Variants in MTCH1 observed in about 807,000 individuals in gnomAD.
MTCH1 encodes the protein mitochondrial carrier homolog 1.
MTCH1 carries 23 observed loss-of-function variants against 49.3 expected under a neutral mutation model. That is an observed-to-expected ratio of 0.47 (90% confidence interval 0.34 to 0.66). MTCH1 has a LOEUF of 0.66. Among genes scored for constraint, MTCH1 ranks in the 30% least tolerant of loss-of-function variants. MTCH1 has a pLI of 0.01. For missense variants in MTCH1, 397 were observed against 532.1 expected (o/e 0.75, Z 2.50); for synonymous variants, 229 against 215.2 (o/e 1.06, Z -0.56).
chr6:36,985,850 C>G lies in MTCH1; in HGVS notation c.321+3G>C. 6.4e-7 allele frequency: 1 copy of G among 1,554,604 alleles called. No homozygotes were observed. On this transcript the variant is annotated splice_donor_region_variant and intron_variant, in intron 1 of 11. Coordinates refer to ENST00000373627, the MANE Select transcript of MTCH1 (RefSeq NM_001271641.2). ...TCTCCCTACGGCGCCTCTGGTCCCC[C>G]ACCTGGATGAGCAGCTTCACGTAGA...
chr6:36,968,838 T>A lies in MTCH1; in HGVS notation c.*65A>T, dbSNP rs1485616750. 1 of 1,610,578 alleles carries A rather than the reference T, an allele frequency of 6.2e-7. No individual in the cohort carries two copies. Among genetic ancestry groups the A allele is most frequent in the Non-Finnish European group, 8.5e-7 (1 of 1,177,538 alleles). On this transcript the variant is annotated 3_prime_UTR_variant, in exon 12 of 12. Coordinates refer to ENST00000373627, the MANE Select transcript of MTCH1 (RefSeq NM_001271641.2). ...TTGGGTTGGAGTCGTCTTGCAGGTGTCCCAAGGTGGTCAGGCCTCACCCAC... is the reference window on the plus strand; with the variant it reads ...TTGGGTTGGAGTCGTCTTGCAGGTGACCCAAGGTGGTCAGGCCTCACCCAC...
rs953002016 is a variant in MTCH1 at position 36,977,706 on chromosome 6, G to C, written c.592-15C>G. The stretch of plus-strand genomic sequence containing the variant: ...TCGTAGGAGGTCTGGAAGAGAGCAT[G>C]GGGTGGGGACTCGCCACCCTCGGCC... On this transcript the variant is annotated splice_polypyrimidine_tract_variant and intron_variant, in intron 4 of 11. Transcript: ENST00000373627. This position sits in a 1 kb window ranked among gnomAD's most constrained non-coding sequence, Gnocchi z 5.4. 1 of 1,602,880 alleles carries C rather than the reference G, an allele frequency of 6.2e-7. No homozygotes were observed. Among genetic ancestry groups the C allele is most frequent in the South Asian group, 1.1e-5 (1 of 89,038 alleles).
At chr6:36,984,219 A>G (rs1764210597) in intron 1 of MTCH1, among the ~76,000 whole-genome samples, 1 of 110,908 alleles carries the variant, frequency 9.0e-6, no homozygotes, top group African/African-American at 3.4e-5. Flanking sequence ...CAAAGCACCA[A>G]TTTATCTCCC....
In MTCH1 at chr6:36,977,164, A is replaced by G; in HGVS notation, c.701+35T>C. ...TGCCCTGGCCGACTCTGAAAGGGTA[A>G]CAGGGCCACTCTGCCAGTCCCAAGA... On this transcript the variant is annotated intron_variant, in intron 6 of 11. Coordinates refer to ENST00000373627, the MANE Select transcript of MTCH1 (RefSeq NM_001271641.2). The surrounding 1 kb of genome is among the most constrained non-coding windows in gnomAD (Gnocchi z 5.4). 1 of 1,611,186 alleles carries G rather than the reference A, an allele frequency of 6.2e-7. No individual in the cohort carries two copies. The highest frequency in any genetic ancestry group is 8.5e-7 in the Non-Finnish European group (1 of 1,177,622).
Position 36,982,131 on chromosome 6 carries a change from A to G in MTCH1, c.322-459T>C, listed in dbSNP as rs553618992. Reference sequence around the variant, plus strand: ...CCTCAGACAGGTCAGCCATTAAGTCATCTATTCCAAAGTGCACCCCAAACT... The same window carrying G: ...CCTCAGACAGGTCAGCCATTAAGTCGTCTATTCCAAAGTGCACCCCAAACT... On this transcript the variant is annotated intron_variant, in intron 1 of 11. Transcript: ENST00000373627. The surrounding 1 kb of genome is among the most constrained non-coding windows in gnomAD (Gnocchi z 4.1). 2.0e-4 allele frequency among the ~76,000 whole-genome samples: 30 copies of G among 152,302 alleles called. No homozygotes were observed. Among genetic ancestry groups the G allele is most frequent in the African/African-American group, 7.2e-4 (30 of 41,564 alleles).
In MTCH1 at chr6:36,984,760, AC is replaced by A. The variant is rs200816723; in HGVS notation, c.321+1092del. ...CTTCATCTGTACCGCATTGCTGGCC[AC>A]CACCAAATCTGCCAAGTGCCTATGC... On this transcript the variant is annotated intron_variant, in intron 1 of 11. Coordinates refer to ENST00000373627, the MANE Select transcript of MTCH1 (RefSeq NM_001271641.2). Among the ~76,000 whole-genome samples, 11 of 152,204 alleles carry A rather than the reference AC, an allele frequency of 7.2e-5. No homozygotes were observed. In the East Asian group the frequency reaches 2.1e-3, roughly 29 times the overall value.
rs149010443 is a variant in MTCH1, at chr6:36,971,430, C to T, written c.907-736G>A. Among the ~76,000 whole-genome samples, 175 of 152,260 alleles carry T rather than the reference C, an allele frequency of 1.1e-3. 2 individuals carry two copies. Among genetic ancestry groups the T allele is most frequent in the African/African-American group, 3.2e-3 (132 of 41,542 alleles). ...ACAGCTGCCCACCTAGATGAGAAAC[C>T]ACTTAGCGGTGCACTCCTGGCCACC... is the stretch of plus-strand genomic sequence containing the variant. On this transcript the variant is annotated intron_variant, in intron 8 of 11. Coordinates refer to ENST00000373627, the MANE Select transcript of MTCH1 (RefSeq NM_001271641.2).
At chr6:36,974,073 T>C (rs561825655) in intron 7 of MTCH1, among the ~76,000 whole-genome samples, 4 of 152,334 alleles carry the variant, frequency 2.6e-5, no homozygotes, top group South Asian at 2.1e-4. Context: ...ATGTCACAAA[T>C]GTTGGTTTGT....
rs1270534077 is a variant in MTCH1, at chr6:36,982,481, G to A, written c.322-809C>T. ...GCAACCTCCACCTCCTCCACCTCCC[G>A]GGTTCAAGTGATTCTCCTACCCCAG... is the stretch of plus-strand genomic sequence containing the variant. On this transcript the variant is annotated intron_variant, in intron 1 of 11. Coordinates refer to ENST00000373627, the MANE Select transcript of MTCH1 (RefSeq NM_001271641.2). This position sits in a 1 kb window ranked among gnomAD's most constrained non-coding sequence, Gnocchi z 4.1. Among the ~76,000 whole-genome samples the A allele has an allele frequency of 2.6e-5, 4 of 151,744 alleles. No homozygotes were observed. The highest frequency in any genetic ancestry group is 2.1e-4 in the South Asian group (1 of 4,830).
intron 11 of MTCH1, chr6:36,969,501 G>A: frequency 9.2e-7 from 1 of 1,085,902 alleles, no homozygotes; most frequent in Non-Finnish European, 1.1e-6. Flanking sequence ...AAGAGCTCCA[G>A]CTACGGAGAG....
At chr6:36,979,769 G>A (rs1336789936) in intron 2 of MTCH1, among the ~76,000 whole-genome samples, 1 of 152,054 alleles carries the variant, frequency 6.6e-6, no homozygotes, top group Non-Finnish European at 1.5e-5. Context: ...GTGAGGAGAG[G>A]GAGCCTCAGG....
intron 2 of MTCH1, among the ~76,000 whole-genome samples, chr6:36,981,293 A>G (rs1402630835): frequency 6.6e-6 from 1 of 152,154 alleles, no homozygotes; most frequent in Non-Finnish European, 1.5e-5. Context: ...AGCAGAAATA[A>G]TAGGGACCAG....
chr6:36,977,534 G>T lies in MTCH1; in HGVS notation c.649+100C>A. On this transcript the variant is annotated intron_variant, in intron 5 of 11. Transcript: ENST00000373627. This position sits in a 1 kb window ranked among gnomAD's most constrained non-coding sequence, Gnocchi z 5.4. ...CCAACCCCACTACCACTTCCCAACA[G>T]GTCTACGGCTGTCTATGTACAGTCC... 1.2e-6 allele frequency: 1 copy of T among 819,988 alleles called. No individual in the cohort carries two copies. Among genetic ancestry groups the T allele is most frequent in the Non-Finnish European group, 2.0e-6 (1 of 501,712 alleles). 50.8% of individuals were successfully genotyped at this position (819,988 alleles called of 1,614,324 possible).
In MTCH1 at chr6:36,968,933, C is replaced by T. The variant is rs1157435178; in HGVS notation, c.1140G>A (p.Val380=). 2 of 1,614,126 alleles carry T rather than the reference C, an allele frequency of 1.2e-6. No individual in the cohort carries two copies. The highest frequency in any genetic ancestry group is 8.5e-7 in the Non-Finnish European group (1 of 1,180,010). The change falls in exon 12 of 12, where the codon GTG becomes GTA. Residue 380 remains valine (V), a synonymous_variant. Transcript: ENST00000373627. ...FRGSSLLFRR[V]SSGSCFALE is the part of the protein sequence containing the mutation. ...CCAGGGCAAAGCATGATCCTGATGA[C>T]ACCCGGCGGAAAAGCAGGCTGGAGC...
intron 10 of MTCH1, 143 bp downstream of exon 10, chr6:36,970,263 C>A: frequency 1.4e-6 from 2 of 1,439,846 alleles, no homozygotes; most frequent in South Asian, 2.5e-5. Context: ...GCTGGGAAAT[C>A]CCAGCGGAAG....
rs1272470097 is a variant in MTCH1 at position 36,982,269 on chromosome 6, C to T, written c.322-597G>A. ...TACTCCTCAAACATATCCTTAGCTG[C>T]GTTCTCACCTCAATCACCCTACATC... On this transcript the variant is annotated intron_variant, in intron 1 of 11. Transcript: ENST00000373627. This position sits in a 1 kb window ranked among gnomAD's most constrained non-coding sequence, Gnocchi z 4.1. 3.3e-5 allele frequency among the ~76,000 whole-genome samples: 5 copies of T among 152,196 alleles called. No homozygotes were observed. The highest frequency in any genetic ancestry group is 7.3e-5 in the Non-Finnish European group (5 of 68,034).
At position 36,969,294 on chromosome 6, in the gene MTCH1, C is replaced by T. The variant is rs886773552; in HGVS notation, c.1099-320G>A. The stretch of plus-strand genomic sequence containing the variant: ...TCATAGGGAGGACGAGACACACTCA[C>T]GCTGACCAGGGCCACTGGGAAGAAC... On this transcript the variant is annotated intron_variant, in intron 11 of 11. Coordinates refer to ENST00000373627, the MANE Select transcript of MTCH1 (RefSeq NM_001271641.2). 1.4e-5 allele frequency: 14 copies of T among 985,318 alleles called. 1 individual carries two copies. The African/African-American group carries it at 1.7e-4, about 12-fold the overall frequency. 61.0% of individuals were successfully genotyped at this position (985,318 alleles called of 1,614,324 possible).
chr6:36,983,559 C>T (rs1764183185), intron 1 of MTCH1, among the ~76,000 whole-genome samples: 1 of 152,174 alleles, frequency 6.6e-6, no homozygotes, highest in Non-Finnish European at 1.5e-5. Flanking sequence ...TTCCTCCTGC[C>T]TTCAAGTTTT....
At chr6:36,984,123 C>T (rs1308989741) in intron 1 of MTCH1, among the ~76,000 whole-genome samples, 1 of 152,170 alleles carries the variant, frequency 6.6e-6, no homozygotes, top group Non-Finnish European at 1.5e-5. Context: ...ATCCTTCACT[C>T]CACAGACTCT....
Sources: gnomAD v4.1 joint callset for allele counts (sites outside exome capture counted in the v4.1 genomes callset) on GRCh38, gnomAD v4.1.1 for gene constraint, Gnocchi (gnomAD v3.1) non-coding constraint, MANE v1.5 for transcripts, NCBI Gene and HGNC (gene_info 2026-07-23, HGNC 2026-07-21) for gene names.